Variants in CMPK1 observed in about 807,000 individuals in gnomAD.
CMPK1 encodes cytidine/uridine monophosphate kinase 1.
In CMPK1, 10 loss-of-function variants were observed where a neutral mutation model predicts 25.7. The ratio of observed to expected loss-of-function variants is 0.39; its 90% CI spans 0.24 to 0.66. The LOEUF is 0.66. Among genes scored for constraint, CMPK1 ranks in the 30% least tolerant of loss-of-function variants. The pLI is 0.48. For synonymous variants in CMPK1, 106 were observed against 101.5 expected (o/e 1.04, Z -0.27); for missense variants, 199 against 280.5 (o/e 0.71, Z 2.08).
chr1:47,369,615 G>A (rs912629809), intron 2 of CMPK1, among the ~76,000 whole-genome samples: 102 of 151,452 alleles, frequency 6.7e-4, no homozygotes, highest in African/African-American at 2.4e-3. Context: ...AGGCTGGAGT[G>A]TAGTGGCGCG....
chr1:47,373,127 G>C lies in CMPK1; in HGVS notation c.471+20G>C, dbSNP rs1187200760. 6.3e-7 allele frequency: 1 copy of C among 1,578,734 alleles called. No homozygotes were observed. The highest frequency in any genetic ancestry group is 2.3e-5 in the East Asian group (1 of 44,326). On this transcript the variant is annotated intron_variant, in intron 3 of 5. Coordinates refer to ENST00000371873, the MANE Select transcript of CMPK1 (RefSeq NM_016308.3). Reference sequence around the variant, plus strand: ...AATGAGGTAATGAAAATCTTCATCTGCCCACATAGGCTTTAAGCAACTGTT... The same window carrying C: ...AATGAGGTAATGAAAATCTTCATCTCCCCACATAGGCTTTAAGCAACTGTT...
chr1:47,334,144 T>C (rs1036879478), intron 1 of CMPK1, 28 bp downstream of exon 1: 62 of 1,459,390 alleles, frequency 4.2e-5, no homozygotes, highest in Admixed American at 3.5e-4. Flanking sequence ...GGCGGGCTCC[T>C]TGGGGCTTGA....
intron 1 of CMPK1, among the ~76,000 whole-genome samples, chr1:47,355,378 C>T (rs1485658776): frequency 2.9e-5 from 4 of 139,596 alleles, no homozygotes; most frequent in African/African-American, 8.0e-5. Context: ...GACAGAGTCT[C>T]ACTCTGTCAC....
intron 1 of CMPK1, among the ~76,000 whole-genome samples, chr1:47,350,778 G>A (rs1027380908): frequency 1.6e-4 from 25 of 151,708 alleles, no homozygotes; most frequent in African/African-American, 5.6e-4. Flanking sequence ...GTGGTGGCAC[G>A]CACCTGTAAT....
chr1:47,365,124 T>C (rs991719055), intron 1 of CMPK1, among the ~76,000 whole-genome samples: 2 of 152,180 alleles, frequency 1.3e-5, no homozygotes, highest in Non-Finnish European at 2.9e-5. Context: ...ATATCTCTGC[T>C]ATGTTCCCTC....
At chr1:47,358,104 CTTTTTTTTTTT>C (rs398039948) in intron 1 of CMPK1, among the ~76,000 whole-genome samples, 25 of 78,754 alleles carry the variant, frequency 3.2e-4, no homozygotes, top group African/African-American at 1.3e-3. Flanking sequence ...CATAGTAGGT[CTTTTTTTTTTT>C]TTTTTTTTTT....
At chr1:47,359,326 AT>A (rs1335033730) in intron 1 of CMPK1, among the ~76,000 whole-genome samples, 2 of 151,228 alleles carry the variant, frequency 1.3e-5, no homozygotes, top group Non-Finnish European at 2.9e-5. Flanking sequence ...CTAAAAAAAA[AT>A]AAAAAATAAG....
rs1306869559 is a variant in CMPK1 at position 47,368,597 on chromosome 1, C to G, written c.300C>G (p.Thr100=). The G allele has an allele frequency of 3.1e-6, 5 of 1,605,998 alleles. No individual in the cohort carries two copies. Among genetic ancestry groups the G allele is most frequent in the African/African-American group, 2.7e-5 (2 of 74,588 alleles). ...GAAAGATTGTACCAGTTGAGATAAC[C>G]ATCAGTTTATTAAAGAGGGTAAGGA... The part of the protein sequence containing the change: ...KEGKIVPVEI[T]ISLLKREMDQ... Residue 100 remains threonine (T), a synonymous_variant, in exon 2 of 6, where the codon ACC becomes ACG. Coordinates refer to ENST00000371873, the MANE Select transcript of CMPK1 (RefSeq NM_016308.3).
chr1:47,366,419 G>T (rs1646640161), intron 1 of CMPK1, among the ~76,000 whole-genome samples: 1 of 152,164 alleles, frequency 6.6e-6, no homozygotes, highest in South Asian at 2.1e-4. Context: ...AATGACAGCA[G>T]AATGCTTTGA....
chr1:47,376,099 G>A (rs750925433), intron 5 of CMPK1, among the ~76,000 whole-genome samples: 57 of 151,454 alleles, frequency 3.8e-4, no homozygotes, highest in Non-Finnish European at 6.8e-4. Flanking sequence ...CAAATTATTG[G>A]TAGCCTCTCA....
chr1:47,358,470 A>T (rs1646578675), intron 1 of CMPK1: 2 of 1,164,828 alleles, frequency 1.7e-6, no homozygotes, highest in Non-Finnish European at 2.1e-6. Flanking sequence ...TCTAATAATG[A>T]TATTTTGCTG....
chr1:47,374,496 A>T (rs1217424686), intron 3 of CMPK1, among the ~76,000 whole-genome samples: 1 of 152,250 alleles, frequency 6.6e-6, no homozygotes, highest in Admixed American at 6.5e-5. Flanking sequence ...AGGATGCTTT[A>T]TTCAAATGCA....
At chr1:47,342,290 C>T (rs916271736) in intron 1 of CMPK1, among the ~76,000 whole-genome samples, 1 of 151,922 alleles carries the variant, frequency 6.6e-6, no homozygotes, top group Non-Finnish European at 1.5e-5. Flanking sequence ...CCATGTTGGC[C>T]AGGCTGGTCT....
At position 47,369,413 on chromosome 1, in the gene CMPK1, G is replaced by T. The variant is rs1236908800; in HGVS notation, c.318+798G>T. On this transcript the variant is annotated intron_variant, in intron 2 of 5. Coordinates refer to ENST00000371873, the MANE Select transcript of CMPK1 (RefSeq NM_016308.3). The stretch of plus-strand genomic sequence containing the variant: ...AAGCGGACAGTGGCAAGGATTCTCT[G>T]CTTTGATTTAGGATCACCTATAGCT... 2.0e-5 allele frequency among the ~76,000 whole-genome samples: 3 copies of T among 152,150 alleles called. No individual in the cohort carries two copies. In the East Asian group the frequency reaches 5.8e-4, roughly 29 times the overall value.
At chr1:47,343,517 A>T (rs1484513983) in intron 1 of CMPK1, among the ~76,000 whole-genome samples, 1 of 151,316 alleles carries the variant, frequency 6.6e-6, no homozygotes, top group Non-Finnish European at 1.5e-5. Flanking sequence ...CAAAAAAAAA[A>T]AAGTCTCAAA....
In CMPK1 at chr1:47,358,770, A is replaced by G. The variant is rs148699660; in HGVS notation, c.172-9699A>G. 475 of 984,510 alleles carry G rather than the reference A, an allele frequency of 4.8e-4. 3 individuals carry two copies. In the African/African-American group the frequency reaches 7.3e-3, roughly 15 times the overall value. The allele number at this position is 984,510 out of a possible 1,614,324, so 61.0% of individuals were successfully genotyped here. A position where few individuals can be genotyped will look rare whatever the true frequency, so the allele number is the denominator to read the frequency against. ...TAGTTTGATAATTTTGCAAATGCTCAAATGTTATGTTTGCTTAATATTATT... is the reference window on the plus strand; with the variant it reads ...TAGTTTGATAATTTTGCAAATGCTCGAATGTTATGTTTGCTTAATATTATT... On this transcript the variant is annotated intron_variant, in intron 1 of 5. Transcript: ENST00000371873.
At chr1:47,374,524 A>G (rs1217488985) in intron 3 of CMPK1, among the ~76,000 whole-genome samples, 1 of 152,240 alleles carries the variant, frequency 6.6e-6, no homozygotes, top group Non-Finnish European at 1.5e-5. Flanking sequence ...TGACTCAAAT[A>G]TTTTCAAATT....
At chr1:47,375,082 G>T in intron 4 of CMPK1, 97 bp downstream of exon 4, 1 of 1,278,434 alleles carries the variant, frequency 7.8e-7, no homozygotes, top group South Asian at 1.2e-5. Context: ...AAAATGGCTT[G>T]TTTAAGATGT....
chr1:47,376,655 T>G, intron 5 of CMPK1, 49 bp from the exon 6 acceptor site: 1 of 1,261,142 alleles, frequency 7.9e-7, no homozygotes, highest in Non-Finnish European at 1.2e-6. Flanking sequence ...CTGTATGGTA[T>G]TTTAACAGTA....
Sources: allele counts gnomAD v4.1 joint callset (sites outside exome capture counted in the v4.1 genomes callset), GRCh38; gene constraint gnomAD v4.1.1; transcripts MANE v1.5; gene names NCBI Gene and HGNC (gene_info 2026-07-23, HGNC 2026-07-21).